Variants in RPAP3 observed in about 807,000 individuals in gnomAD.
The protein encoded by RPAP3 is RNA polymerase II associated protein 3, also known as RNA polymerase II-associated protein 3.
A neutral mutation model predicts 88.8 loss-of-function variants in RPAP3; 58 were observed. That is an observed-to-expected ratio of 0.65 (90% CI 0.53 to 0.81). The LOEUF is 0.81. Ranked by LOEUF, RPAP3 falls within the 40% of genes least tolerant of loss-of-function variation. The probability of loss-of-function intolerance (pLI) is 0.00; values close to 1 mark genes in which losing one functional copy is unlikely to be tolerated. For missense variants in RPAP3, 751 were observed against 764.3 expected (o/e 0.98, Z 0.20); for synonymous variants, 255 against 259.9 (o/e 0.98, Z 0.18).
intron 4 of RPAP3, among the ~76,000 whole-genome samples, chr12:47,697,238 T>C (rs1485190599): frequency 6.6e-6 from 1 of 152,228 alleles, no homozygotes; most frequent in Non-Finnish European, 1.5e-5. Context: ...AATTTCAAGT[T>C]ACTTCAATCT....
intron 12 of RPAP3, among the ~76,000 whole-genome samples, chr12:47,674,170 A>G (rs907687787): frequency 6.6e-6 from 1 of 151,908 alleles, no homozygotes; most frequent in African/African-American, 2.4e-5. Context: ...ATGGCCGAAT[A>G]GGCACAGCTC....
chr12:47,672,280 C>A (rs1939014965), intron 12 of RPAP3, among the ~76,000 whole-genome samples: 1 of 152,114 alleles, frequency 6.6e-6, no homozygotes, highest in Admixed American at 6.6e-5. Flanking sequence ...GACTACCCTG[C>A]CCTAGCCTTT....
chr12:47,680,672 C>T (rs998341200), intron 10 of RPAP3, among the ~76,000 whole-genome samples: 1 of 151,622 alleles, frequency 6.6e-6, no homozygotes, highest in Non-Finnish European at 1.5e-5. Flanking sequence ...ATAGAAAACA[C>T]ACACAGGAGA....
intron 14 of RPAP3, among the ~76,000 whole-genome samples, chr12:47,668,425 A>G (rs1287569490): frequency 6.6e-6 from 1 of 152,228 alleles, no homozygotes; most frequent in Non-Finnish European, 1.5e-5. Flanking sequence ...GATTTTTAAA[A>G]GTAGAATTAC....
chr12:47,682,787 G>A (rs1211058974), intron 9 of RPAP3, among the ~76,000 whole-genome samples: 1 of 151,712 alleles, frequency 6.6e-6, no homozygotes, highest in Non-Finnish European at 1.5e-5. Context: ...AATTTCGAAT[G>A]AACTTAAACA....
At chr12:47,679,840 T>C (rs1939188410) in intron 10 of RPAP3, 66 bp from the exon 11 acceptor site, 2 of 1,080,176 alleles carry the variant, frequency 1.9e-6, no homozygotes, top group African/African-American at 1.6e-5. Flanking sequence ...TTCGCATGTA[T>C]ATTCATGATA....
chr12:47,686,871 C>T lies in RPAP3; in HGVS notation c.901G>A (p.Ala301Thr). 1 of 1,602,502 alleles carries T rather than the reference C, an allele frequency of 6.2e-7. No homozygotes were observed. The highest frequency in any genetic ancestry group is 8.5e-7 in the Non-Finnish European group (1 of 1,172,308). Residue 301 changes from alanine to threonine, a missense_variant, in exon 9 of 17, where the codon GCA (alanine) becomes ACA (threonine). Physicochemically the swap from Ala to Thr is moderately conservative, Grantham distance 58. Transcript: ENST00000005386. ...ATCCCTCGAGTATAGCATTCAATTG[C>T]TCTTTCATATTTCCCCTCTTTGAAA... is the stretch of plus-strand genomic sequence containing the variant. Reference protein sequence around the residue: ...GFFKEGKYERAIECYTRGIAA... With the variant: ...GFFKEGKYERTIECYTRGIAA...
chr12:47,671,888 C>T (rs995259788), intron 12 of RPAP3, among the ~76,000 whole-genome samples: 1 of 151,888 alleles, frequency 6.6e-6, no homozygotes, highest in African/African-American at 2.4e-5. Context: ...AAAGAAACCA[C>T]TATAGAAAGA....
chr12:47,687,795 A>T (rs965845371), intron 8 of RPAP3, 81 bp downstream of exon 8: 14 of 1,453,448 alleles, frequency 9.6e-6, no homozygotes, highest in Admixed American at 2.2e-5. Context: ...ATTAGAGAAG[A>T]AAGAAATTAA....
chr12:47,699,565 C>T (rs564281353), intron 3 of RPAP3: 2 of 152,292 alleles, frequency 1.3e-5, no homozygotes, highest in South Asian at 4.1e-4. Flanking sequence ...AAAAATACCA[C>T]ACAAATAATT....
intron 15 of RPAP3, among the ~76,000 whole-genome samples, chr12:47,667,434 C>A (rs1217641420): frequency 6.6e-6 from 1 of 152,062 alleles, no homozygotes; most frequent in Non-Finnish European, 1.5e-5. Context: ...ATGAAACTTA[C>A]AAGAAAGCTA....
chr12:47,695,035 G>C (rs1239728545), intron 5 of RPAP3, among the ~76,000 whole-genome samples: 2 of 151,932 alleles, frequency 1.3e-5, no homozygotes, highest in Non-Finnish European at 2.9e-5. Flanking sequence ...CAAGAAACAT[G>C]TACAAAAATG....
intron 10 of RPAP3, among the ~76,000 whole-genome samples, chr12:47,680,981 A>AC (rs1480020843): frequency 8.6e-5 from 13 of 152,038 alleles, no homozygotes; most frequent in African/African-American, 2.9e-4. Context: ...AACAAAAAAA[A>AC]AAAAACAGGC....
At chr12:47,664,113 G>A (rs1175473296) in intron 16 of RPAP3, among the ~76,000 whole-genome samples, 1 of 152,204 alleles carries the variant, frequency 6.6e-6, no homozygotes, top group East Asian at 1.9e-4. Context: ...TCATGGGCCA[G>A]GCGTGGTGGT....
intron 10 of RPAP3, 64 bp downstream of exon 10, chr12:47,681,632 T>A: frequency 2.6e-6 from 4 of 1,538,712 alleles, no homozygotes; most frequent in South Asian, 1.2e-5. Flanking sequence ...GCTACATGAA[T>A]CTCTGCTTCT....
At chr12:47,686,411 C>T (rs1401082374) in intron 9 of RPAP3, among the ~76,000 whole-genome samples, 2 of 151,910 alleles carry the variant, frequency 1.3e-5, no homozygotes, top group African/African-American at 2.4e-5. Context: ...ATACATAAAG[C>T]GACTAGAGAA....
At position 47,686,529 on chromosome 12, in the gene RPAP3, AACAC is replaced by A. The variant is rs145977883; in HGVS notation, c.992+247_992+250del. ...GAACTATGTATACCACAGGTACATA[AACAC>A]ACACATACACATACACACACACACA... On this transcript the variant is annotated intron_variant, in intron 9 of 16. Transcript: ENST00000005386. Among the ~76,000 whole-genome samples the A allele has an allele frequency of 6.3e-3, 592 of 94,688 alleles. 7 individuals are homozygous for A. Among genetic ancestry groups the A allele is most frequent in the African/African-American group, 0.019 (563 of 29,054 alleles). The allele number at this position is 94,688 out of a possible 152,430, so 62.1% of individuals were successfully genotyped here.
rs147298243 is a variant in RPAP3 at position 47,694,093 on chromosome 12, T to G, written c.545+2183A>C. Among the ~76,000 whole-genome samples, 546 of 152,340 alleles carry G rather than the reference T, an allele frequency of 3.6e-3. 3 individuals are homozygous for G. The highest frequency in any genetic ancestry group is 0.012 in the African/African-American group (506 of 41,576). ...TGGGAAGATGATTCTAAAAGTTATA[T>G]TGATGAGTAAAAGTCCAAGAATACC... is the stretch of plus-strand genomic sequence containing the variant. On this transcript the variant is annotated intron_variant, in intron 5 of 16. Coordinates refer to ENST00000005386, the MANE Select transcript of RPAP3 (RefSeq NM_024604.3).
At chr12:47,668,141 G>C (rs111876731) in intron 14 of RPAP3, among the ~76,000 whole-genome samples, 5,765 of 152,274 alleles carry the variant, frequency 0.038, 363 homozygotes, top group African/African-American at 0.13. Flanking sequence ...GTTGCGGTGA[G>C]CTGAGATTGC....
Sources: gnomAD v4.1 joint callset for allele counts (sites outside exome capture counted in the v4.1 genomes callset) on GRCh38, gnomAD v4.1.1 for gene constraint, MANE v1.5 for transcripts, NCBI Gene and HGNC (gene_info 2026-07-23, HGNC 2026-07-21) for gene names.